TRUB2: variants seen among roughly 807,000 people sequenced by gnomAD.
TRUB2 encodes the protein pseudouridylate synthase TRUB2, mitochondrial.
Under a neutral mutation model 31.9 loss-of-function variants are expected in TRUB2, and 31 were observed. That is an observed-to-expected ratio of 0.97 (90% CI 0.73 to 1.31). TRUB2 has a LOEUF of 1.31. Ranked by LOEUF, TRUB2 falls within the 50% of genes most tolerant of loss-of-function variation. TRUB2 has a pLI of 0.00. For missense variants in TRUB2, 451 were observed against 439.6 expected (o/e 1.03, Z -0.23); for synonymous variants, 201 against 182.6 (o/e 1.10, Z -0.81).
rs755117055 is a variant in TRUB2 at position 128,311,575 on chromosome 9, G to C, written c.487C>G (p.Arg163Gly). The change falls in exon 6 of 8, where the codon CGC becomes GGC. Residue 163 changes from arginine to glycine, a missense_variant. Transcript: ENST00000372890. Reference protein sequence around the residue: ...YDHVTREKLDRILAVIQGSHQ... With the variant: ...YDHVTREKLDGILAVIQGSHQ... Reference sequence around the variant, plus strand: ...GAGCCTTGGATAACGGCCAGAATGCGGTCCAGCTTCTCTCTGGTCACGTGG... The same window carrying C: ...GAGCCTTGGATAACGGCCAGAATGCCGTCCAGCTTCTCTCTGGTCACGTGG... 2.5e-6 allele frequency: 4 copies of C among 1,613,906 alleles called. No individual in the cohort carries two copies. The African/African-American group carries it at 5.3e-5, about 22-fold the overall frequency.
At chr9:128,319,865 C>G (rs1255220993) in intron 2 of TRUB2, among the ~76,000 whole-genome samples, 3 of 151,790 alleles carry the variant, frequency 2.0e-5, no homozygotes. Context: ...GTGATCCGCC[C>G]ACCTTGGCCT....
intron 2 of TRUB2, among the ~76,000 whole-genome samples, chr9:128,319,049 G>A (rs1415892221): frequency 1.3e-5 from 2 of 151,870 alleles, no homozygotes; most frequent in Admixed American, 6.6e-5. Context: ...AGGCATGGCC[G>A]GGCGTGGTGG....
chr9:128,307,743 A>AAAAT lies in TRUB2; in HGVS notation c.*1803_*1806dup, dbSNP rs34780092. ...CGAGGCCCTGTCTCAAAAATAAAAT[A>AAAAT]AAATAAATAAATTAGCCAGATACTG... On this transcript the variant is annotated 3_prime_UTR_variant, in exon 8 of 8. Coordinates refer to ENST00000372890, the MANE Select transcript of TRUB2 (RefSeq NM_015679.3). The AAAAT allele has an allele frequency of 0.34, 50,834 of 150,898 alleles. 12,312 individuals are homozygous for AAAAT. Among genetic ancestry groups the AAAAT allele is most frequent in the African/African-American group, 0.7 (28,575 of 41,082 alleles). The allele number at this position is 150,898 out of a possible 1,614,324, so 9.3% of individuals were successfully genotyped here.
At chr9:128,321,210 G>A (rs201909517) in intron 2 of TRUB2, among the ~76,000 whole-genome samples, 1 of 152,140 alleles carries the variant, frequency 6.6e-6, no homozygotes, top group East Asian at 1.9e-4. Context: ...CCCAAATACT[G>A]CCAATCTGAA....
chr9:128,318,398 A>G (rs1458257127), intron 2 of TRUB2, among the ~76,000 whole-genome samples: 2 of 151,946 alleles, frequency 1.3e-5, no homozygotes, highest in Non-Finnish European at 2.9e-5. Flanking sequence ...CAAAACCCCT[A>G]CCTTAGGACT....
intron 2 of TRUB2, among the ~76,000 whole-genome samples, chr9:128,318,593 C>T (rs113415935): frequency 0.17 from 25,130 of 151,554 alleles, 4,329 homozygotes; most frequent in African/African-American, 0.44. Context: ...AGTGCAGTGG[C>T]GCCATCTCAA....
intron 5 of TRUB2, 117 bp downstream of exon 5, chr9:128,313,690 AG>A: frequency 1.1e-6 from 1 of 886,894 alleles, no homozygotes; most frequent in South Asian, 1.5e-5. Context: ...CCAAAGCCTC[AG>A]CCCAAGCCTA....
chr9:128,319,345 G>A (rs977918318), intron 2 of TRUB2, among the ~76,000 whole-genome samples: 4 of 149,724 alleles, frequency 2.7e-5, no homozygotes, highest in African/African-American at 7.4e-5. Context: ...AAAAAAATTA[G>A]CCAGGCATAG....
At chr9:128,316,421 G>C (rs1006465058) in intron 3 of TRUB2, 2 of 152,148 alleles carry the variant, frequency 1.3e-5, no homozygotes, top group African/African-American at 4.8e-5. Flanking sequence ...TGATTCCTGT[G>C]GGTGCTGTGC....
At chr9:128,317,447 C>G (rs1328859692) in intron 2 of TRUB2, among the ~76,000 whole-genome samples, 1 of 152,168 alleles carries the variant, frequency 6.6e-6, no homozygotes, top group South Asian at 2.1e-4. Context: ...CTCTGCCTAT[C>G]ATCAGTCTCC....
chr9:128,316,913 C>T (rs1228963850), intron 3 of TRUB2: 2 of 506,184 alleles, frequency 4.0e-6, no homozygotes, highest in African/African-American at 3.9e-5. Context: ...GCATAAAGGG[C>T]CTCGAACTAT....
chr9:128,319,641 T>C (rs1008258077), intron 2 of TRUB2, among the ~76,000 whole-genome samples: 12 of 138,624 alleles, frequency 8.7e-5, no homozygotes, highest in Admixed American at 3.6e-4. Context: ...CCCATATACC[T>C]TTTTTTTTTT....
chr9:128,315,523 G>A (rs779560779), intron 4 of TRUB2, 44 bp downstream of exon 4: 67 of 1,596,166 alleles, frequency 4.2e-5, no homozygotes, highest in Non-Finnish European at 5.6e-5. Flanking sequence ...GTGACCCCCA[G>A]GAAAGGACCA....
Position 128,309,724 on chromosome 9 carries a change from C to G in TRUB2, c.822G>C (p.Trp274Cys). ...TAGCATCCTGGATGTTGGTTAGGTC[C>G]CACTGGGTCCTCAGGAGGGCACTGT... is the stretch of plus-strand genomic sequence containing the variant. Reference protein sequence around the residue: ...TLDSALLRTQWDLTNIQDAIR... With the variant: ...TLDSALLRTQCDLTNIQDAIR... The change falls in exon 8 of 8, where the codon TGG becomes TGC. Residue 274 changes from tryptophan to cysteine, a missense_variant. Trp to Cys is a radical substitution (Grantham distance 215, BLOSUM62 -2). Transcript: ENST00000372890. 1 of 1,614,228 alleles carries G rather than the reference C, an allele frequency of 6.2e-7. No homozygotes were observed.
chr9:128,315,951 C>T, intron 3 of TRUB2: 2 of 373,114 alleles, frequency 5.4e-6, no homozygotes, highest in Non-Finnish European at 1.0e-5. Context: ...AAATCAGGGA[C>T]AGCTCTGAGT....
In TRUB2 at chr9:128,322,388, C is replaced by T. The variant is rs747615827; in HGVS notation, c.21G>A (p.Ser7=). ...AGACCGCGAAAAGCCCATGCAGCCG[C>T]GACAAGCCAGCAGACCCCATACTTG... The part of the protein sequence containing the change: MGSAGL[S]RLHGLFAVYK... The change falls in exon 1 of 8, where the codon TCG becomes TCA. Residue 7 remains serine (S), a synonymous_variant. Transcript: ENST00000372890. 6.2e-7 allele frequency: 1 copy of T among 1,614,142 alleles called. No individual in the cohort carries two copies. The highest frequency in any genetic ancestry group is 1.7e-4 in the Middle Eastern group (1 of 6,058).
In TRUB2 at chr9:128,306,682, C is replaced by T. The variant is rs1831870901; in HGVS notation, c.*2868G>A. Reference sequence around the variant, plus strand: ...TGAACTCCTGACCTCGTGATCCGCCCACCCTGGCCTCCCAAAGTGCTGGGA... The same window carrying T: ...TGAACTCCTGACCTCGTGATCCGCCTACCCTGGCCTCCCAAAGTGCTGGGA... On this transcript the variant is annotated 3_prime_UTR_variant, in exon 8 of 8. Transcript: ENST00000372890. The T allele has an allele frequency of 6.6e-6, 1 of 150,822 alleles. No homozygotes were observed. The highest frequency in any genetic ancestry group is 2.4e-5 in the African/African-American group (1 of 41,066). 9.3% of individuals were successfully genotyped at this position (150,822 alleles called of 1,614,324 possible).
At chr9:128,310,743 T>C in intron 7 of TRUB2, 144 bp downstream of exon 7, 2 of 1,152,156 alleles carry the variant, frequency 1.7e-6, no homozygotes, top group Non-Finnish European at 2.5e-6. Flanking sequence ...AGTCGGCACC[T>C]GATGCCTTGG....
At chr9:128,318,130 G>A (rs944971468) in intron 2 of TRUB2, among the ~76,000 whole-genome samples, 61 of 152,192 alleles carry the variant, frequency 4.0e-4, no homozygotes, top group Non-Finnish European at 5.7e-4. Context: ...GATCACCTGA[G>A]GTCAGGAGTT....
Sources: allele counts gnomAD v4.1 joint callset (sites outside exome capture counted in the v4.1 genomes callset), GRCh38; gene constraint gnomAD v4.1.1; transcripts MANE v1.5; gene names NCBI Gene and HGNC (gene_info 2026-07-23, HGNC 2026-07-21).